Variants in CELF1 observed in about 807,000 individuals in gnomAD.
The protein encoded by CELF1 is CUGBP Elav-like family member 1.
Under a neutral mutation model 61.8 loss-of-function variants are expected in CELF1, and 10 were observed. That is an observed-to-expected ratio of 0.16 (90% CI 0.10 to 0.27). The LOEUF is 0.27. CELF1 is among the 10% of genes least tolerant of loss of function. CELF1 has a pLI of 1.00. For synonymous variants in CELF1, 236 were observed against 225.1 expected, an observed-to-expected ratio of 1.05 and a Z score of -0.43; for missense variants, 380 against 639.1, an observed-to-expected ratio of 0.59 and a Z score of 4.37.
chr11:47,504,759 G>A (rs541630063), intron 1 of CELF1, among the ~76,000 whole-genome samples: 12 of 150,478 alleles, frequency 8.0e-5, no homozygotes, highest in South Asian at 6.3e-4. Context: ...AAAATTAGCC[G>A]GATGTGGTGG....
At chr11:47,563,790 G>A (rs1209691946) in intron 2 of CELF1, among the ~76,000 whole-genome samples, 1 of 152,170 alleles carries the variant, frequency 6.6e-6, no homozygotes, top group Admixed American at 6.5e-5. Flanking sequence ...GAAGGCCGAG[G>A]GGGACGGATC....
At chr11:47,537,190 C>A (rs2096650115) in intron 1 of CELF1, among the ~76,000 whole-genome samples, 1 of 151,340 alleles carries the variant, frequency 6.6e-6, no homozygotes, top group Non-Finnish European at 1.5e-5. Flanking sequence ...ACTGTTCAGG[C>A]AATAAAAATT....
intron 3 of CELF1, among the ~76,000 whole-genome samples, chr11:47,499,169 G>A (rs1284368293): frequency 6.6e-6 from 1 of 152,154 alleles, no homozygotes; most frequent in Non-Finnish European, 1.5e-5. Context: ...CTATCATATA[G>A]GAAAACACTA....
At chr11:47,522,828 G>GA (rs1349865658) in intron 1 of CELF1, among the ~76,000 whole-genome samples, 5,387 of 60,072 alleles carry the variant, frequency 0.09, 102 homozygotes, top group Non-Finnish European at 0.1. Flanking sequence ...TCCATCTCCA[G>GA]AAAAAAAAAA....
intron 1 of CELF1, among the ~76,000 whole-genome samples, chr11:47,519,112 C>G (rs2153642217): frequency 6.6e-6 from 1 of 152,320 alleles, no homozygotes; most frequent in South Asian, 2.1e-4. Context: ...TTCAGCCAAT[C>G]AGGGAACATG....
At chr11:47,485,998 A>G (rs1236292654) in intron 6 of CELF1, among the ~76,000 whole-genome samples, 1 of 146,604 alleles carries the variant, frequency 6.8e-6, no homozygotes, top group Non-Finnish European at 1.5e-5. Flanking sequence ...CGTCTCTACT[A>G]AAAATACAAA....
At chr11:47,562,573 A>G (rs2097229834) in intron 2 of CELF1, among the ~76,000 whole-genome samples, 1 of 150,200 alleles carries the variant, frequency 6.7e-6, no homozygotes, top group African/African-American at 2.4e-5. Flanking sequence ...AAGAACACAT[A>G]TTGTATGACT....
intron 1 of CELF1, among the ~76,000 whole-genome samples, chr11:47,514,486 G>A (rs745866768): frequency 4.9e-4 from 75 of 152,116 alleles, no homozygotes; most frequent in Admixed American, 8.5e-4. Flanking sequence ...TAAACCAGAG[G>A]TCGTCTCACC....
rs1452906393 is a variant in CELF1 at position 47,470,958 on chromosome 11, T to C, written c.*1272A>G. The C allele has an allele frequency of 6.6e-6, 1 of 152,184 alleles. No homozygotes were observed. Among genetic ancestry groups the C allele is most frequent in the African/African-American group, 2.4e-5 (1 of 41,436 alleles). The allele number at this position is 152,184 out of a possible 1,614,324, so 9.4% of individuals were successfully genotyped here. Reference sequence around the variant, plus strand: ...ATGAACACGGTAATACTGAGGTAAATGAACACTCAATTCATGTGGAGGCTG... The same window carrying C: ...ATGAACACGGTAATACTGAGGTAAACGAACACTCAATTCATGTGGAGGCTG... On this transcript the variant is annotated 3_prime_UTR_variant, in exon 15 of 15. Transcript: ENST00000687097.
chr11:47,539,157 A>C (rs2096711653), intron 1 of CELF1, among the ~76,000 whole-genome samples: 1 of 152,246 alleles, frequency 6.6e-6, no homozygotes, highest in African/African-American at 2.4e-5. Context: ...TTCCTATCTG[A>C]AATAGCAGTA....
intron 1 of CELF1, among the ~76,000 whole-genome samples, chr11:47,501,393 T>C (rs949548904): frequency 3.9e-5 from 6 of 152,194 alleles, no homozygotes; most frequent in African/African-American, 1.2e-4. Context: ...CCTACGTACA[T>C]TGGAACTGAT....
chr11:47,513,209 T>C (rs528226635), intron 1 of CELF1, among the ~76,000 whole-genome samples: 1 of 152,354 alleles, frequency 6.6e-6, no homozygotes, highest in Non-Finnish European at 1.5e-5. Context: ...GTGATTTTAA[T>C]CTCATTTCAA....
At position 47,475,358 on chromosome 11, in the gene CELF1, A is replaced by G. The variant is rs761503748; in HGVS notation, c.1251T>C (p.Gly417=). ...CACCTTCCTTCTGGCTTCCAGCAGC[A>G]CCAATACTCTGCTGTGTCAGAAGAT... ...NQNLLTQQSI[G]AAGSQKEGPE... The change falls in exon 13 of 15, where the codon GGT becomes GGC. Residue 417 remains glycine, a synonymous_variant. Coordinates refer to ENST00000687097, the MANE Select transcript of CELF1 (RefSeq NM_001376376.1). 6.2e-7 allele frequency: 1 copy of G among 1,613,734 alleles called. No homozygotes were observed. The highest frequency in any genetic ancestry group is 8.5e-7 in the Non-Finnish European group (1 of 1,180,002).
intron 3 of CELF1, among the ~76,000 whole-genome samples, chr11:47,498,597 T>C (rs1253010145): frequency 6.6e-6 from 1 of 152,210 alleles, no homozygotes; most frequent in Non-Finnish European, 1.5e-5. Context: ...TTAATATTCT[T>C]GGCTTTGAAT....
At chr11:47,486,882 G>A (rs1297053618) in intron 5 of CELF1, 84 bp from the exon 6 acceptor site, 7 of 1,030,686 alleles carry the variant, frequency 6.8e-6, no homozygotes, top group Non-Finnish European at 9.1e-6. Flanking sequence ...ACCAGAACTA[G>A]AGCTTTAAAG....
intron 1 of CELF1, among the ~76,000 whole-genome samples, chr11:47,511,121 G>T (rs2095119143): frequency 6.6e-6 from 1 of 152,158 alleles, no homozygotes; most frequent in Admixed American, 6.5e-5. Flanking sequence ...CAGAGGTCGA[G>T]GCTGCAGTGA....
intron 1 of CELF1, among the ~76,000 whole-genome samples, chr11:47,538,926 T>A (rs1437776943): frequency 6.6e-6 from 1 of 152,172 alleles, no homozygotes; most frequent in Non-Finnish European, 1.5e-5. Context: ...CCAGAGAGAC[T>A]CCATCAACTG....
intron 1 of CELF1, among the ~76,000 whole-genome samples, chr11:47,549,314 G>C (rs2097071503): frequency 1.3e-5 from 2 of 152,152 alleles, no homozygotes; most frequent in Non-Finnish European, 2.9e-5. Flanking sequence ...ATCCCACTTT[G>C]GGGTATATAT....
At chr11:47,546,779 G>A (rs2096962974) in intron 1 of CELF1, among the ~76,000 whole-genome samples, 1 of 151,890 alleles carries the variant, frequency 6.6e-6, no homozygotes, top group South Asian at 2.1e-4. Context: ...TTTTGAAAAC[G>A]CTGTGCCAGG....
Sources: gnomAD v4.1 joint callset for allele counts (sites outside exome capture counted in the v4.1 genomes callset) on GRCh38, gnomAD v4.1.1 for gene constraint, MANE v1.5 for transcripts, NCBI Gene and HGNC (gene_info 2026-07-23, HGNC 2026-07-21) for gene names.